Variants in DCLRE1C observed in about 807,000 individuals in gnomAD.
The protein encoded by DCLRE1C is protein artemis.
A neutral mutation model predicts 61.4 loss-of-function variants in DCLRE1C; 47 were observed. That is an observed-to-expected ratio of 0.77 (90% CI 0.61 to 0.98). The LOEUF is 0.98. Among genes scored for constraint, DCLRE1C ranks in the 50% least tolerant of loss-of-function variants. The pLI, the probability that DCLRE1C is intolerant of heterozygous loss-of-function variation, is 0.00. For missense variants in DCLRE1C, 858 were observed against 816.0 expected (o/e 1.05, Z -0.63); for synonymous variants, 337 against 287.6 (o/e 1.17, Z -1.74).
intron 4 of DCLRE1C, among the ~76,000 whole-genome samples, chr10:14,937,972 G>GGCAA (rs1232743242): frequency 3.3e-5 from 5 of 151,404 alleles, no homozygotes; most frequent in Non-Finnish European, 7.4e-5. Context: ...CATACTGTTC[G>GGCAA]GCAAGGGCAA....
upstream of DCLRE1C, chr10:14,954,163 G>A (rs1842855828): frequency 1.5e-6 from 2 of 1,363,084 alleles, no homozygotes; most frequent in Non-Finnish European, 2.0e-6. Context: ...GGAGACCGGG[G>A]GCAAAGTCAA....
chr10:14,905,357 A>G lies in DCLRE1C; in HGVS notation c.*3051T>C, dbSNP rs1303994365. Among the ~76,000 whole-genome samples the G allele has an allele frequency of 1.3e-5, 2 of 152,236 alleles. No homozygotes were observed. The highest frequency in any genetic ancestry group is 1.3e-4 in the Admixed American group (2 of 15,282). On this transcript the variant is annotated 3_prime_UTR_variant, in exon 14 of 14. Transcript: ENST00000378278. Reference sequence around the variant, plus strand: ...AGCATTGTCACTCACCAGGTACGTAAACATACTATGGTAAGTACTGCCTAG... The same window carrying G: ...AGCATTGTCACTCACCAGGTACGTAGACATACTATGGTAAGTACTGCCTAG...
chr10:14,901,618 C>T (rs2131724754), downstream of DCLRE1C, among the ~76,000 whole-genome samples: 1 of 151,338 alleles, frequency 6.6e-6, no homozygotes, highest in East Asian at 1.9e-4. Flanking sequence ...TGGGCTTGAG[C>T]CCAGGAATTC....
chr10:14,908,422 G>A lies in DCLRE1C; in HGVS notation c.2065C>T (p.Leu689Phe). 6.2e-7 allele frequency: 1 copy of A among 1,613,214 alleles called. No individual in the cohort carries two copies. The highest frequency in any genetic ancestry group is 8.5e-7 in the Non-Finnish European group (1 of 1,179,348). ...GCTTTGAATTCTTAGGTATCTAAGA[G>A]TGAGCATTTTCTTTTTTTGACTGCT... ...SIAVKKRKCS[L>F]LDT is the part of the protein sequence containing the mutation. Residue 689 changes from leucine to phenylalanine, a missense_variant, in exon 14 of 14, where the codon CTC (leucine) becomes TTC (phenylalanine). By Grantham distance (22) the Leu-to-Phe change is conservative. Transcript: ENST00000378278.
chr10:14,916,353 G>A (rs1310983158), intron 13 of DCLRE1C, among the ~76,000 whole-genome samples: 1 of 152,092 alleles, frequency 6.6e-6, no homozygotes, highest in Non-Finnish European at 1.5e-5. Flanking sequence ...TACAAGAAAA[G>A]GCACTAGAAC....
In DCLRE1C at chr10:14,947,619, A is replaced by G. The variant is rs958048664; in HGVS notation, c.161+1417T>C. ...TCCTCAGTTTCCTCATCTGTAAAAT[A>G]GAAATAATAGTAGGATCTATTCAAA... On this transcript the variant is annotated intron_variant, in intron 2 of 13. Transcript: ENST00000378278. The G allele has an allele frequency of 3.9e-5, 6 of 152,288 alleles. No individual in the cohort carries two copies. The East Asian group carries it at 1.2e-3, about 29-fold the overall frequency. The allele number at this position is 152,288 out of a possible 1,614,324, so 9.4% of individuals were successfully genotyped here. A position where few individuals can be genotyped will look rare whatever the true frequency, so the allele number is the denominator to read the frequency against.
rs377443609 is a variant in DCLRE1C at position 14,936,569 on chromosome 10, A to G, written c.331T>C (p.Leu111=). ...GEKEEIVVTL[L]PAGHCPGSVM... is the part of the protein sequence containing the mutation. The stretch of plus-strand genomic sequence containing the variant: ...GATCCCGGACAGTGACCAGCTGGTA[A>G]GAGAGTCACAACAATCTCTTCCTTC... Residue 111 remains leucine, a synonymous_variant, in exon 5 of 14, where the codon TTA becomes CTA. Transcript: ENST00000378278. 1 of 1,613,400 alleles carries G rather than the reference A, an allele frequency of 6.2e-7. No homozygotes were observed.
intron 1 of DCLRE1C, among the ~76,000 whole-genome samples, chr10:14,950,440 C>A (rs1325668657): frequency 1.3e-5 from 2 of 151,304 alleles, no homozygotes; most frequent in African/African-American, 4.9e-5. Flanking sequence ...CCACCACACA[C>A]ACACACAAGC....
intron 8 of DCLRE1C, among the ~76,000 whole-genome samples, chr10:14,933,191 G>A (rs1292385702): frequency 3.3e-5 from 5 of 152,130 alleles, no homozygotes; most frequent in African/African-American, 4.8e-5. Flanking sequence ...ATGGACACTC[G>A]GCTCAGGGAT....
At chr10:14,927,193 C>A (rs747352553) in intron 10 of DCLRE1C, among the ~76,000 whole-genome samples, 1 of 152,110 alleles carries the variant, frequency 6.6e-6, no homozygotes. Context: ...ACCAGCCTAG[C>A]AAACATAGTG....
At position 14,908,737 on chromosome 10, in the gene DCLRE1C, C is replaced by CT. The variant is rs765144892; in HGVS notation, c.1749dup (p.Glu584ArgfsTer21). The CT allele has an allele frequency of 6.2e-6, 10 of 1,614,180 alleles. No individual in the cohort carries two copies. Among genetic ancestry groups the CT allele is most frequent in the Non-Finnish European group, 8.5e-6 (10 of 1,180,042 alleles). ...TCCATGAGAGAGGCAGGAATATTCT[C>CT]TTTGATTGTTGGTCTGTAGTCAGCT... On this transcript the variant is annotated frameshift_variant, in exon 14 of 14. Transcript: ENST00000378278. LOFTEE classifies it low-confidence loss of function (END_TRUNC).
At chr10:14,909,392 T>C (rs956048883) in intron 13 of DCLRE1C, 62 bp from the exon 14 acceptor site, 1 of 1,454,046 alleles carries the variant, frequency 6.9e-7, no homozygotes, top group East Asian at 2.3e-5. Context: ...TTGTAGTATT[T>C]ATCTGTACTT....
chr10:14,915,097 A>T (rs920327913), intron 13 of DCLRE1C, among the ~76,000 whole-genome samples: 16 of 151,996 alleles, frequency 1.1e-4, no homozygotes, highest in Middle Eastern at 3.4e-3. Flanking sequence ...GGAAAAATTT[A>T]AAAATGTTTT....
intron 11 of DCLRE1C, among the ~76,000 whole-genome samples, chr10:14,924,664 C>A (rs1837658809): frequency 6.6e-6 from 1 of 151,834 alleles, no homozygotes; most frequent in Non-Finnish European, 1.5e-5. Context: ...CTGGCTAACA[C>A]GGTGAAACCC....
intron 11 of DCLRE1C, among the ~76,000 whole-genome samples, chr10:14,925,227 A>T (rs1837768178): frequency 1.0e-5 from 1 of 100,354 alleles, no homozygotes; most frequent in African/African-American, 3.7e-5. Context: ...AAAGGATTTA[A>T]AAAAAAAAAA....
At chr10:14,953,579 T>C (rs570687145) in intron 1 of DCLRE1C, among the ~76,000 whole-genome samples, 28 of 152,158 alleles carry the variant, frequency 1.8e-4, no homozygotes, top group African/African-American at 6.5e-4. Flanking sequence ...TCATACATGG[T>C]AGCGAGGCTC....
At chr10:14,930,782 G>T (rs931355380) in intron 9 of DCLRE1C, among the ~76,000 whole-genome samples, 4 of 152,116 alleles carry the variant, frequency 2.6e-5, no homozygotes, top group African/African-American at 9.7e-5. Context: ...TCCACTGGAC[G>T]TGTCTGTATA....
At chr10:14,937,889 G>C (rs1435028347) in intron 4 of DCLRE1C, among the ~76,000 whole-genome samples, 1 of 119,074 alleles carries the variant, frequency 8.4e-6, no homozygotes, top group Non-Finnish European at 1.7e-5. Flanking sequence ...GTAAGGCTCA[G>C]TCTCAAAAAA....
intron 4 of DCLRE1C, 67 bp from the exon 5 acceptor site, chr10:14,936,660 C>T: frequency 1.9e-6 from 2 of 1,080,208 alleles, no homozygotes; most frequent in Non-Finnish European, 2.8e-6. Flanking sequence ...CTCAACAAAG[C>T]CCTCCTTCAC....
Sources: gnomAD v4.1 joint callset for allele counts (sites outside exome capture counted in the v4.1 genomes callset) on GRCh38, gnomAD v4.1.1 for gene constraint, MANE v1.5 for transcripts, NCBI Gene and HGNC (gene_info 2026-07-23, HGNC 2026-07-21) for gene names.